Variants in CADM2 observed in about 807,000 individuals in gnomAD.
CADM2 encodes immunoglobulin superfamily member 4D.
CADM2 carries 12 observed loss-of-function variants against 49.8 expected under a neutral mutation model. The observed-to-expected ratio is 0.24, with a 90% CI of 0.15 to 0.39. The LOEUF is 0.39. CADM2 is among the 10% of genes least tolerant of loss of function. CADM2 has a pLI of 1.00. For synonymous variants in CADM2, 214 were observed against 175.4 expected (o/e 1.22, Z -1.74); for missense variants, 378 against 492.3 (o/e 0.77, Z 2.20).
At chr3:85,641,332 C>A (rs1434782733) in intron 1 of CADM2, among the ~76,000 whole-genome samples, 1 of 152,172 alleles carries the variant, frequency 6.6e-6, no homozygotes, top group East Asian at 1.9e-4. Flanking sequence ...CCTATACTCT[C>A]ATCTCTAGCA....
chr3:85,828,091 A>C (rs573727158), intron 3 of CADM2: 5 of 152,100 alleles, frequency 3.3e-5, no homozygotes, highest in African/African-American at 1.2e-4. Context: ...GTGGGCAGGT[A>C]CCACTTACCA....
At chr3:85,592,630 G>A (rs528755235) in intron 1 of CADM2, among the ~76,000 whole-genome samples, 53 of 151,982 alleles carry the variant, frequency 3.5e-4, no homozygotes, top group Non-Finnish European at 5.7e-4. Flanking sequence ...GAGTATGATA[G>A]TCTCATACTC....
intron 1 of CADM2, among the ~76,000 whole-genome samples, chr3:85,569,816 G>A (rs2062427166): frequency 6.6e-6 from 1 of 152,054 alleles, no homozygotes. Flanking sequence ...CCTAATCTGA[G>A]GCAGAAGAAA....
chr3:85,419,023 G>T (rs752557223), intron 1 of CADM2, among the ~76,000 whole-genome samples: 15 of 152,102 alleles, frequency 9.9e-5, no homozygotes, highest in Non-Finnish European at 1.9e-4. Flanking sequence ...GCCCAAATAA[G>T]TACACTCAGC....
At chr3:85,300,688 G>C (rs145376548) in intron 1 of CADM2, among the ~76,000 whole-genome samples, 2 of 152,032 alleles carry the variant, frequency 1.3e-5, no homozygotes, top group African/African-American at 4.8e-5. Flanking sequence ...AAAACAGTGC[G>C]TGCATATGGC....
intron 1 of CADM2, among the ~76,000 whole-genome samples, chr3:85,570,172 T>G (rs2062434055): frequency 6.6e-6 from 1 of 152,160 alleles, no homozygotes; most frequent in African/African-American, 2.4e-5. Context: ...TTTCCTGATA[T>G]ATTTTTCTGT....
chr3:85,667,759 G>T (rs1577051458), intron 1 of CADM2, among the ~76,000 whole-genome samples: 2 of 151,992 alleles, frequency 1.3e-5, no homozygotes, highest in East Asian at 1.9e-4. Context: ...TAAGGGAAAA[G>T]AAATTTGTCA....
At chr3:85,199,138 T>A (rs184509082) in intron 1 of CADM2, among the ~76,000 whole-genome samples, 1 of 152,134 alleles carries the variant, frequency 6.6e-6, no homozygotes, top group African/African-American at 2.4e-5. Context: ...ACAAACTACA[T>A]TTGTTTTACC....
At chr3:85,424,121 T>A (rs2036292382) in intron 1 of CADM2, among the ~76,000 whole-genome samples, 1 of 152,098 alleles carries the variant, frequency 6.6e-6, no homozygotes, top group Non-Finnish European at 1.5e-5. Context: ...CTGGAGAGAT[T>A]TTTCTGAGAA....
chr3:85,646,195 A>G (rs1164842129), intron 1 of CADM2, among the ~76,000 whole-genome samples: 1 of 152,000 alleles, frequency 6.6e-6, no homozygotes, highest in African/African-American at 2.4e-5. Context: ...TTCCATAGCA[A>G]CTGACTTCAA....
intron 2 of CADM2, among the ~76,000 whole-genome samples, chr3:85,772,101 G>A (rs904556479): frequency 4.1e-5 from 6 of 147,876 alleles, no homozygotes; most frequent in South Asian, 2.1e-4. Flanking sequence ...TGAAAATATC[G>A]TGGGGAGAAA....
intron 8 of CADM2, among the ~76,000 whole-genome samples, chr3:86,024,753 T>C (rs779267229): frequency 6.6e-6 from 1 of 152,184 alleles, no homozygotes; most frequent in Non-Finnish European, 1.5e-5. Context: ...CAAAATTGAC[T>C]ACATATGTTG....
In CADM2 at chr3:85,212,879, TTTCTTTCTCTTTCTTTC is replaced by T. The variant is rs1559723862; in HGVS notation, c.61+253214_61+253230del. On this transcript the variant is annotated intron_variant, in intron 1 of 9. Coordinates refer to ENST00000383699, the MANE Select transcript of CADM2 (RefSeq NM_001167675.2). ...CTTTCTTTCTTTCTTTCTTTCTTTC[TTTCTTTCTCTTTCTTTC>T]TTTTAATGGAGTCTCACACTGTCAC... Among the ~76,000 whole-genome samples, 842 of 134,106 alleles carry T rather than the reference TTTCTTTCTCTTTCTTTC, an allele frequency of 6.3e-3. 35 individuals are homozygous for T. Among genetic ancestry groups the T allele is most frequent in the African/African-American group, 0.027 (789 of 28,982 alleles). The allele number at this position is 134,106 out of a possible 152,430, so 88.0% of individuals were successfully genotyped here.
In CADM2 at chr3:85,935,858, G is replaced by A; in HGVS notation, c.791+1G>A. The A allele has an allele frequency of 6.4e-7, 1 of 1,566,920 alleles. No individual in the cohort carries two copies. The highest frequency in any genetic ancestry group is 1.1e-5 in the South Asian group (1 of 87,982). On this transcript the variant is annotated splice_donor_variant, in intron 7 of 9. Transcript: ENST00000383699. LOFTEE classifies it high-confidence loss of function. The stretch of plus-strand genomic sequence containing the variant: ...CTTGTGAATCCAAAGGAAAACCACT[G>A]TAAGTGAGTTAATGAGCAATAAAGC...
In CADM2 at chr3:85,939,208, C is replaced by G. The variant is rs199842444; in HGVS notation, c.791+3351C>G. ...TGGACTGAAGCCTTTTGCCATTTTC[C>G]TGTGAAACAGCTGCATAACTTGGGC... On this transcript the variant is annotated intron_variant, in intron 7 of 9. Transcript: ENST00000383699. Among the ~76,000 whole-genome samples the G allele has an allele frequency of 3.9e-5, 6 of 152,104 alleles. No individual in the cohort carries two copies. The East Asian group carries it at 1.2e-3, about 29-fold the overall frequency.
intron 8 of CADM2, among the ~76,000 whole-genome samples, chr3:85,974,317 A>T (rs1191493941): frequency 2.0e-5 from 3 of 151,644 alleles, no homozygotes; most frequent in Non-Finnish European, 4.4e-5. Flanking sequence ...AGGAAGAGCT[A>T]TGTCTAGCTC....
chr3:85,717,962 G>A (rs889609774), intron 1 of CADM2, among the ~76,000 whole-genome samples: 3 of 152,094 alleles, frequency 2.0e-5, no homozygotes, highest in African/African-American at 7.2e-5. Flanking sequence ...TAGAGATGGG[G>A]TTACACCATG....
intron 1 of CADM2, among the ~76,000 whole-genome samples, chr3:84,986,680 C>T (rs901162835): frequency 6.6e-6 from 1 of 151,452 alleles, no homozygotes; most frequent in Non-Finnish European, 1.5e-5. Context: ...GTGCAGCACA[C>T]CAGCATGGCA....
At chr3:85,776,748 T>G (rs2070379299) in intron 2 of CADM2, among the ~76,000 whole-genome samples, 1 of 152,136 alleles carries the variant, frequency 6.6e-6, no homozygotes, top group South Asian at 2.1e-4. Flanking sequence ...ATATTAGATT[T>G]CTAATGCCTT....
Sources: gnomAD v4.1 joint callset for allele counts (sites outside exome capture counted in the v4.1 genomes callset) on GRCh38, gnomAD v4.1.1 for gene constraint, MANE v1.5 for transcripts, NCBI Gene and HGNC (gene_info 2026-07-23, HGNC 2026-07-21) for gene names.